The following ZNF728 variants were observed in gnomAD, a reference collection of about 807,000 sequenced individuals.
The protein encoded by ZNF728 is zinc finger protein 728.
Under a neutral mutation model 12.5 loss-of-function variants are expected in ZNF728, and 12 were observed. That is an observed-to-expected ratio of 0.96 (90% CI 0.61 to 1.55). The LOEUF is 1.55. Among genes scored for constraint, ZNF728 ranks in the 40% most tolerant of loss-of-function variants. ZNF728 has a pLI of 0.00. For synonymous variants in ZNF728, 205 were observed against 240.7 expected (o/e 0.85, Z 1.37); for missense variants, 692 against 719.2 (o/e 0.96, Z 0.43).
At chr19:22,992,433 G>A (rs964374248) in intron 1 of ZNF728, among the ~76,000 whole-genome samples, 3 of 151,986 alleles carry the variant, frequency 2.0e-5, no homozygotes, top group African/African-American at 7.2e-5. Flanking sequence ...AGTAGAGACG[G>A]GATTTCACTA....
chr19:22,987,953 G>A (rs1171635784), intron 2 of ZNF728, among the ~76,000 whole-genome samples: 5 of 152,174 alleles, frequency 3.3e-5, no homozygotes, highest in East Asian at 3.9e-4. Context: ...GGGCGAATTC[G>A]CTTCTGCTCC....
chr19:23,000,888 A>C (rs1244026746), intron 1 of ZNF728, among the ~76,000 whole-genome samples: 163 of 58,896 alleles, frequency 2.8e-3, no homozygotes, highest in Non-Finnish European at 3.6e-3. Flanking sequence ...AAAAAAAACC[A>C]AAAAAAAAAA....
At chr19:22,983,244 A>G (rs1375762822) in intron 3 of ZNF728, among the ~76,000 whole-genome samples, 3 of 152,224 alleles carry the variant, frequency 2.0e-5, no homozygotes, top group Non-Finnish European at 4.4e-5. Context: ...TGTGGCCAAC[A>G]AACATGAAAA....
intron 3 of ZNF728, among the ~76,000 whole-genome samples, chr19:22,977,728 G>C (rs953227744): frequency 6.6e-6 from 1 of 152,050 alleles, no homozygotes; most frequent in Non-Finnish European, 1.5e-5. Flanking sequence ...TTTCAGACAA[G>C]ACAAATCTGA....
intron 3 of ZNF728, among the ~76,000 whole-genome samples, chr19:22,986,560 T>G (rs1402689411): frequency 6.6e-6 from 1 of 152,056 alleles, no homozygotes; most frequent in Non-Finnish European, 1.5e-5. Context: ...GCTGAAAAAC[T>G]TTTCAAGTGA....
At position 22,976,960 on chromosome 19, in the gene ZNF728, T is replaced by C; in HGVS notation, c.377A>G (p.His126Arg). 6.2e-7 allele frequency: 1 copy of C among 1,613,596 alleles called. No homozygotes were observed. The highest frequency in any genetic ancestry group is 1.1e-5 in the South Asian group (1 of 91,078). The change falls in exon 4 of 4, where the codon CAC (histidine) becomes CGC (arginine). Residue 126 changes from histidine (H) to arginine (R), a missense_variant. Transcript: ENST00000594710. Reference protein sequence around the residue: ...GCTNVDECKVHKKGYNKLNQS... With the variant: ...GCTNVDECKVRKKGYNKLNQS... The stretch of plus-strand genomic sequence containing the variant: ...GTTAAGCTTATTATAACCTTTTTTG[T>C]GCACCTTACACTCATCCACATTGGT...
rs1329387239 is a variant in ZNF728, at chr19:22,988,393, A to C, written c.62T>G (p.Leu21Arg). The change falls in exon 2 of 4, where the codon CTG becomes CGG. Residue 21 changes from leucine to arginine, a missense_variant. This residue lies in a region of ZNF728 where 440 missense variants were observed against 459.6 expected (regional missense o/e 0.96). Coordinates refer to ENST00000594710, the MANE Select transcript of ZNF728 (RefSeq NM_001267716.2). ...ATATAAATTCTGCTGTGCAGTGTCC[A>C]GGCATTGCCACTCCTCCAGAGAGAA... ...IQFSLEEWQC[L>R]DTAQQNLYRN... 2 of 1,614,158 alleles carry C rather than the reference A, an allele frequency of 1.2e-6. No homozygotes were observed.
At chr19:23,001,717 C>G (rs1364066532) in intron 1 of ZNF728, among the ~76,000 whole-genome samples, 2 of 152,206 alleles carry the variant, frequency 1.3e-5, no homozygotes, top group East Asian at 3.9e-4. Flanking sequence ...TTTAAATGTG[C>G]CATCAAATGC....
At chr19:22,984,252 T>C (rs1179704867) in intron 3 of ZNF728, among the ~76,000 whole-genome samples, 1 of 150,918 alleles carries the variant, frequency 6.6e-6, no homozygotes, top group Non-Finnish European at 1.5e-5. Context: ...TATACAATAA[T>C]AGAAAAAAAT....
intron 1 of ZNF728, among the ~76,000 whole-genome samples, chr19:23,001,120 G>A (rs987275845): frequency 2.6e-5 from 4 of 152,136 alleles, no homozygotes; most frequent in African/African-American, 9.6e-5. Context: ...ATCTCACTGG[G>A]GTCAGTTGTT....
At chr19:22,994,114 G>A (rs1343346036) in intron 1 of ZNF728, among the ~76,000 whole-genome samples, 1 of 152,192 alleles carries the variant, frequency 6.6e-6, no homozygotes, top group Non-Finnish European at 1.5e-5. Flanking sequence ...TTTCAGGTCT[G>A]AGGACACAAG....
chr19:22,975,942 T>G lies in ZNF728; in HGVS notation c.1395A>C (p.Ser465=). 6.2e-7 allele frequency: 1 copy of G among 1,606,524 alleles called. No individual in the cohort carries two copies. Among genetic ancestry groups the G allele is most frequent in the Non-Finnish European group, 8.5e-7 (1 of 1,174,446 alleles). ...GAATTGCCTTATGTGTAGTAAGGCT[T>G]GAGGACCAGCTGAAGACTTTGCCAC... is the stretch of plus-strand genomic sequence containing the variant. ...EECGKVFSWS[S]SLTTHKAIHA... The change falls in exon 4 of 4, where the codon TCA becomes TCC. Residue 465 remains serine, a synonymous_variant. Transcript: ENST00000594710.
intron 1 of ZNF728, among the ~76,000 whole-genome samples, chr19:22,992,292 G>A (rs1968997210): frequency 6.6e-6 from 1 of 152,036 alleles, no homozygotes; most frequent in South Asian, 2.1e-4. Flanking sequence ...GCCCAGGCTG[G>A]AGTGCAATGG....
At position 22,976,978 on chromosome 19, in the gene ZNF728, A is replaced by T; in HGVS notation, c.359T>A (p.Val120Glu). ...NLQLKIGCTN[V>E]DECKVHKKGY... ...TTTTTTGTGCACCTTACACTCATCC[A>T]CATTGGTACAACCAATTTTTAACTG... is the stretch of plus-strand genomic sequence containing the variant. Residue 120 changes from valine (V) to glutamate (E), a missense_variant, in exon 4 of 4, where the codon GTG becomes GAG. Transcript: ENST00000594710. The T allele has an allele frequency of 6.2e-7, 1 of 1,613,546 alleles. No homozygotes were observed. The highest frequency in any genetic ancestry group is 8.5e-7 in the Non-Finnish European group (1 of 1,179,766).
intron 1 of ZNF728, among the ~76,000 whole-genome samples, chr19:22,989,144 A>T (rs1345516268): frequency 2.6e-5 from 4 of 151,916 alleles, no homozygotes; most frequent in Admixed American, 1.3e-4. Context: ...TGGAATAGAC[A>T]TGTTGAGTTA....
intron 3 of ZNF728, among the ~76,000 whole-genome samples, chr19:22,982,909 T>G (rs553173763): frequency 5.9e-5 from 9 of 152,170 alleles, no homozygotes; most frequent in Non-Finnish European, 1.3e-4. Context: ...ATAAAAACCC[T>G]AGAAGAAAAC....
At chr19:22,980,074 T>C (rs756064146) in intron 3 of ZNF728, among the ~76,000 whole-genome samples, 1 of 151,384 alleles carries the variant, frequency 6.6e-6, no homozygotes, top group Non-Finnish European at 1.5e-5. Flanking sequence ...GCAAATTGAA[T>C]AGAGTCAAGA....
Position 22,976,887 on chromosome 19 carries a change from A to C in ZNF728, c.450T>G (p.Tyr150Ter). Residue 150 changes from tyrosine to a stop codon, truncating the protein, a stop_gained, in exon 4 of 4, where the codon TAT becomes TAG. Transcript: ENST00000594710. LOFTEE classifies it low-confidence loss of function (END_TRUNC). ...TQSKVFQCGK[Y>*]ANIFHKCSNS... ...TTGAACATTTATGAAAGATGTTTGC[A>C]TATTTGCCACATTGAAATACTTTGC... The C allele has an allele frequency of 1.9e-6, 3 of 1,613,466 alleles. No homozygotes were observed. Among genetic ancestry groups the C allele is most frequent in the Non-Finnish European group, 2.5e-6 (3 of 1,179,716 alleles).
chr19:23,000,004 A>AT (rs921609107), intron 1 of ZNF728, among the ~76,000 whole-genome samples: 2 of 151,966 alleles, frequency 1.3e-5, no homozygotes, highest in African/African-American at 2.4e-5. Context: ...AATTTTTCTT[A>AT]TTTTTTTTCC....
Sources: gnomAD v4.1 joint callset for allele counts (sites outside exome capture counted in the v4.1 genomes callset) on GRCh38, gnomAD v4.1.1 for gene constraint, gnomAD v4.1.1 regional missense constraint, MANE v1.5 for transcripts, NCBI Gene and HGNC (gene_info 2026-07-23, HGNC 2026-07-21) for gene names.